IRAG1: variants seen among roughly 807,000 people sequenced by gnomAD.
IRAG1 encodes the protein IP3R-associated cGMP kinase substrate.
IRAG1 carries 62 observed loss-of-function variants against 106.2 expected under a neutral mutation model. The observed-to-expected ratio is 0.58, with a 90% confidence interval of 0.48 to 0.72. IRAG1 has a LOEUF of 0.72. Among genes scored for constraint, IRAG1 ranks in the 30% least tolerant of loss-of-function variants. The probability of loss-of-function intolerance (pLI) is 0.00; values close to 1 mark genes in which losing one functional copy is unlikely to be tolerated. For missense variants in IRAG1, 1,064 were observed against 1,140.7 expected (o/e 0.93, Z 0.97); for synonymous variants, 462 against 443.9 (o/e 1.04, Z -0.51).
intron 15 of IRAG1, among the ~76,000 whole-genome samples, chr11:10,597,977 G>A (rs535954479): frequency 4.6e-5 from 7 of 152,190 alleles, no homozygotes; most frequent in African/African-American, 1.7e-4. Flanking sequence ...TTGTGAGCAC[G>A]TACTTTCCCT....
At chr11:10,625,867 A>G in intron 9 of IRAG1, 99 bp downstream of exon 9, 4 of 1,224,394 alleles carry the variant, frequency 3.3e-6, no homozygotes, top group Non-Finnish European at 4.2e-6. Flanking sequence ...AGTCCAGGCC[A>G]GAGCTGCCCT....
intron 1 of IRAG1, among the ~76,000 whole-genome samples, chr11:10,658,738 C>G (rs1482688454): frequency 6.7e-6 from 1 of 149,292 alleles, no homozygotes; most frequent in African/African-American, 2.5e-5. Context: ...TGTGGTCAGT[C>G]CCAGGTCCGT....
In IRAG1 at chr11:10,626,349, C is replaced by G. The variant is rs374661697; in HGVS notation, c.985G>C (p.Glu329Gln). The G allele has an allele frequency of 6.2e-7, 1 of 1,613,690 alleles. No individual in the cohort carries two copies. The highest frequency in any genetic ancestry group is 2.2e-5 in the East Asian group (1 of 44,854). Residue 329 changes from glutamate to glutamine, a missense_variant, in exon 9 of 21, where the codon GAG (glutamate) becomes CAG (glutamine). Transcript: ENST00000423302. ...NSPQPGPVES[E>Q]LGKQLLKTGW... ...GTTTTCAAGAGCTGCTTCCCCAGCT[C>G]GCTCTCCACGGGGCCAGGCTGAGGG...
At chr11:10,666,676 T>G (rs1317400319) in intron 1 of IRAG1, among the ~76,000 whole-genome samples, 4 of 152,268 alleles carry the variant, frequency 2.6e-5, no homozygotes, top group Non-Finnish European at 5.9e-5. Flanking sequence ...TCCAACGGGT[T>G]AAGCTGAGTC....
At chr11:10,650,475 ATC>A (rs569206911) in intron 2 of IRAG1, among the ~76,000 whole-genome samples, 144 of 152,268 alleles carry the variant, frequency 9.5e-4, no homozygotes, top group Middle Eastern at 6.8e-3. Context: ...TTGCCTGAGA[ATC>A]TGATTCAAGG....
At chr11:10,627,506 T>C (rs1453419247) in intron 8 of IRAG1, among the ~76,000 whole-genome samples, 1 of 152,002 alleles carries the variant, frequency 6.6e-6, no homozygotes, top group African/African-American at 2.4e-5. Flanking sequence ...TCCACGGAGT[T>C]CACCCCCCTG....
At chr11:10,589,902 T>TCC (rs1340255345) in intron 18 of IRAG1, among the ~76,000 whole-genome samples, 1 of 152,150 alleles carries the variant, frequency 6.6e-6, no homozygotes, top group African/African-American at 2.4e-5. Context: ...GTTTTCATGA[T>TCC]CCCCACTGCC....
At position 10,607,140 on chromosome 11, in the gene IRAG1, G is replaced by A. The variant is rs182159664; in HGVS notation, c.1572-368C>T. Among the ~76,000 whole-genome samples the A allele has an allele frequency of 3.4e-4, 52 of 152,226 alleles. No individual in the cohort carries two copies. In the East Asian group the frequency reaches 6.6e-3, roughly 19 times the overall value. ...TGGCATCCACACTCAGTGGGCTCTCGGGAAATGTGACCTTGAACTCATAGC... is the reference window on the plus strand; with the variant it reads ...TGGCATCCACACTCAGTGGGCTCTCAGGAAATGTGACCTTGAACTCATAGC... On this transcript the variant is annotated intron_variant, in intron 11 of 20. Coordinates refer to ENST00000423302, the MANE Select transcript of IRAG1 (RefSeq NM_130385.4).
At position 10,657,133 on chromosome 11, in the gene IRAG1, G is replaced by A. The variant is rs1365755777; in HGVS notation, c.68-4951C>T. Among the ~76,000 whole-genome samples, 4 of 152,158 alleles carry A rather than the reference G, an allele frequency of 2.6e-5. No homozygotes were observed. The highest frequency in any genetic ancestry group is 3.2e-3 in the Middle Eastern group (1 of 316). ...GTATAGAGCCATCATCGGGACGCAC[G>A]GTTCAGGAACAGAATTTACAGAGAC... is the stretch of plus-strand genomic sequence containing the variant. On this transcript the variant is annotated intron_variant, in intron 1 of 20. Coordinates refer to ENST00000423302, the MANE Select transcript of IRAG1 (RefSeq NM_130385.4). The surrounding 1 kb of genome is among the most constrained non-coding windows in gnomAD (Gnocchi z 4.1).
At position 10,633,291 on chromosome 11, in the gene IRAG1, G is replaced by A. The variant is rs540705899; in HGVS notation, c.329+677C>T. On this transcript the variant is annotated intron_variant, in intron 3 of 20. Coordinates refer to ENST00000423302, the MANE Select transcript of IRAG1 (RefSeq NM_130385.4). ...GTGGTTTCACTGTGTTAGCCAGGAT[G>A]GTCTCGATCTCCTGACCTCATGATT... 1.6e-4 allele frequency among the ~76,000 whole-genome samples: 25 copies of A among 152,124 alleles called. 1 individual carries two copies. Among genetic ancestry groups the A allele is most frequent in the South Asian group, 1.5e-3 (7 of 4,820 alleles).
intron 12 of IRAG1, among the ~76,000 whole-genome samples, chr11:10,606,302 C>T (rs538726129): frequency 1.6e-4 from 25 of 152,174 alleles, no homozygotes; most frequent in Non-Finnish European, 3.2e-4. Flanking sequence ...CACAGCTTCC[C>T]GGCTCCGCTG....
chr11:10,603,436 C>T (rs12280275), intron 13 of IRAG1, among the ~76,000 whole-genome samples, 185 bp from the exon 14 acceptor site: 57,224 of 151,910 alleles, frequency 0.38, 11,487 homozygotes, highest in East Asian at 0.71. Context: ...AAGGAGGGTA[C>T]AACCTAGATC....
At chr11:10,652,856 C>T (rs1858632751) in intron 1 of IRAG1, among the ~76,000 whole-genome samples, 1 of 152,126 alleles carries the variant, frequency 6.6e-6, no homozygotes, top group South Asian at 2.1e-4. Context: ...TTGAGTTCAG[C>T]CCTTATGGGG....
chr11:10,626,635 C>T (rs1265445337), intron 8 of IRAG1, 52 bp from the exon 9 acceptor site: 4 of 1,525,374 alleles, frequency 2.6e-6, no homozygotes, highest in Admixed American at 2.0e-5. Context: ...TGAGGGGAAA[C>T]AGGTGAGGCC....
intron 2 of IRAG1, among the ~76,000 whole-genome samples, chr11:10,641,007 GT>G (rs1857469766): frequency 6.6e-6 from 1 of 152,176 alleles, no homozygotes; most frequent in Non-Finnish European, 1.5e-5. Flanking sequence ...ATAATTTTTA[GT>G]ATGTGTGTCT....
intron 15 of IRAG1, among the ~76,000 whole-genome samples, chr11:10,597,033 A>C (rs2134261321): frequency 1.3e-5 from 2 of 152,348 alleles, no homozygotes; most frequent in Middle Eastern, 6.8e-3. Context: ...GGCAAACTGC[A>C]TTCTAGTTCT....
chr11:10,620,218 T>G (rs1855729684), intron 10 of IRAG1, among the ~76,000 whole-genome samples: 1 of 152,082 alleles, frequency 6.6e-6, no homozygotes, highest in Non-Finnish European at 1.5e-5. Context: ...TGGGGAGAAG[T>G]AGTATTTTTA....
In IRAG1 at chr11:10,581,543, C is replaced by T. The variant is rs569488932; in HGVS notation, c.2360+324G>A. Among the ~76,000 whole-genome samples the T allele has an allele frequency of 8.5e-5, 13 of 152,222 alleles. No homozygotes were observed. The South Asian group carries it at 1.0e-3, about 12-fold the overall frequency. Reference sequence around the variant, plus strand: ...GGCAGCAACATGACTGCTTTGAGCACGTGTCAGGAAGCCTCAGGCACCACC... The same window carrying T: ...GGCAGCAACATGACTGCTTTGAGCATGTGTCAGGAAGCCTCAGGCACCACC... On this transcript the variant is annotated intron_variant, in intron 19 of 20. Coordinates refer to ENST00000423302, the MANE Select transcript of IRAG1 (RefSeq NM_130385.4).
At chr11:10,687,891 T>C in intron 1 of IRAG1, 1 of 916,108 alleles carries the variant, frequency 1.1e-6, no homozygotes, top group Non-Finnish European at 1.5e-6. Context: ...GGGGGTGGTA[T>C]TTAACTTTGT....
Sources: gnomAD v4.1 joint callset for allele counts (sites outside exome capture counted in the v4.1 genomes callset) on GRCh38, gnomAD v4.1.1 for gene constraint, Gnocchi (gnomAD v3.1) non-coding constraint, MANE v1.5 for transcripts, NCBI Gene and HGNC (gene_info 2026-07-23, HGNC 2026-07-21) for gene names.